Variants in LRFN5 observed in about 807,000 individuals in gnomAD.
LRFN5 encodes leucine rich repeat and fibronectin type III domain containing 5.
Under a neutral mutation model 45.6 loss-of-function variants are expected in LRFN5, and 24 were observed. The ratio of observed to expected loss-of-function variants is 0.53; its 90% confidence interval spans 0.38 to 0.74. The LOEUF is 0.74. LRFN5 is among the 30% of genes least tolerant of loss of function. LRFN5 has a pLI of 0.00. For missense variants in LRFN5, 776 were observed against 861.5 expected (o/e 0.90, Z 1.24); for synonymous variants, 340 against 313.8 (o/e 1.08, Z -0.88).
intron 2 of LRFN5, among the ~76,000 whole-genome samples, chr14:41,824,055 A>T (rs1040858174): frequency 2.6e-5 from 4 of 151,712 alleles, no homozygotes; most frequent in African/African-American, 9.7e-5. Flanking sequence ...TAAATTTTTC[A>T]TTTATATATT....
intron 1 of LRFN5, among the ~76,000 whole-genome samples, chr14:41,723,156 A>G (rs1040994048): frequency 6.6e-6 from 1 of 152,198 alleles, no homozygotes; most frequent in Admixed American, 6.5e-5. Flanking sequence ...GGGGTGCCTC[A>G]GGCTGCTGAA....
At chr14:41,783,242 G>A (rs1412508185) in intron 2 of LRFN5, among the ~76,000 whole-genome samples, 1 of 151,990 alleles carries the variant, frequency 6.6e-6, no homozygotes, top group Admixed American at 6.6e-5. Flanking sequence ...TTGAACTATA[G>A]CCTCCAAGAG....
In LRFN5 at chr14:41,799,920, A is replaced by G. The variant is rs543940585; in HGVS notation, c.-21+32891A>G. Among the ~76,000 whole-genome samples the G allele has an allele frequency of 2.2e-3, 329 of 151,918 alleles. 1 individual carries two copies. Among genetic ancestry groups the G allele is most frequent in the African/African-American group, 7.7e-3 (320 of 41,462 alleles). On this transcript the variant is annotated intron_variant, in intron 2 of 5. Transcript: ENST00000298119. ...TATCTCAGGCTATGAATTAGAGTCA[A>G]TGGAGGGGAAAGGAAAGGGAAGGGA...
intron 2 of LRFN5, among the ~76,000 whole-genome samples, chr14:41,802,065 C>A (rs1218054340): frequency 6.6e-6 from 1 of 152,090 alleles, no homozygotes; most frequent in Non-Finnish European, 1.5e-5. Context: ...TGATTTAATG[C>A]GTCTTTCTGT....
intron 2 of LRFN5, among the ~76,000 whole-genome samples, chr14:41,871,718 G>A (rs539828620): frequency 2.0e-5 from 3 of 152,170 alleles, no homozygotes; most frequent in East Asian, 1.9e-4. Flanking sequence ...ACAGTATCCT[G>A]TTTATTTCAA....
intron 1 of LRFN5, among the ~76,000 whole-genome samples, chr14:41,627,439 C>A (rs1331958387): frequency 6.6e-6 from 1 of 152,036 alleles, no homozygotes; most frequent in Admixed American, 6.6e-5. Flanking sequence ...GATAATTAAA[C>A]CATTTTTTGA....
At chr14:41,675,479 TGCAATC>T (rs1173895527) in intron 1 of LRFN5, among the ~76,000 whole-genome samples, 1 of 152,104 alleles carries the variant, frequency 6.6e-6, no homozygotes, top group Non-Finnish European at 1.5e-5. Context: ...GGCGCGCGCC[TGCAATC>T]GCAGGCACTC....
chr14:41,643,834 T>C (rs931934124), intron 1 of LRFN5, among the ~76,000 whole-genome samples: 1 of 152,118 alleles, frequency 6.6e-6, no homozygotes, highest in African/African-American at 2.4e-5. Flanking sequence ...AAACCATCTT[T>C]CCCTCTCTTC....
chr14:41,809,517 A>G (rs1337413938), intron 2 of LRFN5, among the ~76,000 whole-genome samples: 2 of 151,924 alleles, frequency 1.3e-5, no homozygotes, highest in African/African-American at 2.4e-5. Context: ...CTAATTTTAT[A>G]AAACTCTTCA....
At chr14:41,900,767 A>G (rs1891078271) in intron 5 of LRFN5, among the ~76,000 whole-genome samples, 1 of 152,138 alleles carries the variant, frequency 6.6e-6, no homozygotes, top group African/African-American at 2.4e-5. Flanking sequence ...TTTGTGCTAT[A>G]GCAGGCCTAT....
intron 1 of LRFN5, among the ~76,000 whole-genome samples, chr14:41,683,948 C>T (rs1882012167): frequency 6.6e-6 from 1 of 152,078 alleles, no homozygotes; most frequent in Non-Finnish European, 1.5e-5. Context: ...AAAAAACAAT[C>T]CCCAAAATTA....
Position 41,613,445 on chromosome 14 carries a change from CT to C in LRFN5, c.-197+4888del, listed in dbSNP as rs1291863972. Among the ~76,000 whole-genome samples the C allele has an allele frequency of 2.0e-5, 3 of 152,052 alleles. No individual in the cohort carries two copies. The East Asian group carries it at 5.8e-4, about 29-fold the overall frequency. On this transcript the variant is annotated intron_variant, in intron 1 of 5. Transcript: ENST00000298119. Reference sequence around the variant, plus strand: ...CTTAAAATAAAATAAGAAAATATATCTTTTTACAAAAGAAATCTATCAAAAC... The same window carrying C: ...CTTAAAATAAAATAAGAAAATATATCTTTTACAAAAGAAATCTATCAAAAC...
At chr14:41,704,543 T>A (rs1882984840) in intron 1 of LRFN5, among the ~76,000 whole-genome samples, 1 of 151,482 alleles carries the variant, frequency 6.6e-6, no homozygotes, top group Non-Finnish European at 1.5e-5. Context: ...ACCACAGTCT[T>A]GAACTCCTGA....
chr14:41,678,580 A>G (rs188818850), intron 1 of LRFN5, among the ~76,000 whole-genome samples: 38 of 152,290 alleles, frequency 2.5e-4, no homozygotes, highest in Non-Finnish European at 4.9e-4. Context: ...GCAACAATGA[A>G]AGAATATAAG....
In LRFN5 at chr14:41,613,625, G is replaced by A. The variant is rs76934615; in HGVS notation, c.-197+5063G>A. 3.6e-4 allele frequency among the ~76,000 whole-genome samples: 54 copies of A among 151,698 alleles called. No individual in the cohort carries two copies. In the East Asian group the frequency reaches 8.3e-3, roughly 23 times the overall value. On this transcript the variant is annotated intron_variant, in intron 1 of 5. Coordinates refer to ENST00000298119, the MANE Select transcript of LRFN5 (RefSeq NM_152447.5). ...TTGATAGAAAATGGAATCTATTTTA[G>A]ATTTTACAAGAATAAAAGACTCTAG...
At chr14:41,859,360 A>G (rs890414900) in intron 2 of LRFN5, among the ~76,000 whole-genome samples, 5 of 152,240 alleles carry the variant, frequency 3.3e-5, no homozygotes, top group African/African-American at 9.6e-5. Context: ...AAATTCAGCT[A>G]TCTCCAAATA....
intron 1 of LRFN5, among the ~76,000 whole-genome samples, chr14:41,661,696 T>TC (rs1045097778): frequency 6.6e-6 from 1 of 151,876 alleles, no homozygotes; most frequent in African/African-American, 2.4e-5. Context: ...GAGAGGAGCC[T>TC]CCAGTAGTGA....
At chr14:41,682,247 A>AAATAAT (rs373861274) in intron 1 of LRFN5, among the ~76,000 whole-genome samples, 7 of 148,308 alleles carry the variant, frequency 4.7e-5, no homozygotes, top group Admixed American at 1.4e-4. Context: ...CTTCATCTTA[A>AAATAAT]AATAATAATA....
chr14:41,728,719 T>C lies in LRFN5; in HGVS notation c.-196-38135T>C, dbSNP rs1405113571. ...GATTCCAAATTTTATAGCTGCCTTC[T>C]ATATTGAAGCCAAAACATTTTATGA... On this transcript the variant is annotated intron_variant, in intron 1 of 5. Coordinates refer to ENST00000298119, the MANE Select transcript of LRFN5 (RefSeq NM_152447.5). 7.9e-5 allele frequency among the ~76,000 whole-genome samples: 12 copies of C among 152,302 alleles called. No homozygotes were observed. The East Asian group carries it at 2.3e-3, about 29-fold the overall frequency.
Sources: allele counts gnomAD v4.1 joint callset (sites outside exome capture counted in the v4.1 genomes callset), GRCh38; gene constraint gnomAD v4.1.1; transcripts MANE v1.5; gene names NCBI Gene and HGNC (gene_info 2026-07-23, HGNC 2026-07-21).